RTN3: variants seen among roughly 807,000 people sequenced by gnomAD.
The protein encoded by RTN3 is reticulon-3.
In RTN3, 49 loss-of-function variants were observed where a neutral mutation model predicts 77.8. The observed-to-expected ratio is 0.63, with a 90% CI of 0.50 to 0.80. RTN3 has a LOEUF of 0.80. Among genes scored for constraint, RTN3 ranks in the 30% least tolerant of loss-of-function variants. RTN3 has a pLI of 0.00. For synonymous variants in RTN3, 464 were observed against 446.9 expected (o/e 1.04, Z -0.48); for missense variants, 1,236 against 1,211.9 (o/e 1.02, Z -0.29).
chr11:63,697,298 CT>C (rs929270731), intron 1 of RTN3, among the ~76,000 whole-genome samples: 1 of 150,046 alleles, frequency 6.7e-6, no homozygotes, highest in African/African-American at 2.4e-5. Context: ...TCCACTTATG[CT>C]TTTTTTTTAT....
At chr11:63,708,875 A>G (rs1590813358) in intron 2 of RTN3, among the ~76,000 whole-genome samples, 1 of 152,240 alleles carries the variant, frequency 6.6e-6, no homozygotes, top group Non-Finnish European at 1.5e-5. Context: ...CCTGTACTTC[A>G]TAAAACATAC....
In RTN3 at chr11:63,719,447, T is replaced by C. The variant is rs748112970; in HGVS notation, c.945T>C (p.Phe315=). ...YPMSALLSRQ[F]SHTNAALEEV... is the part of the protein sequence containing the mutation. The stretch of plus-strand genomic sequence containing the variant: ...TGTCTGCATTGCTCAGTAGGCAGTT[T>C]TCACACACAAATGCAGCACTGGAAG... The change falls in exon 3 of 9, where the codon TTT becomes TTC. Residue 315 remains phenylalanine, a synonymous_variant. Transcript: ENST00000377819. 5 of 1,613,978 alleles carry C rather than the reference T, an allele frequency of 3.1e-6. No homozygotes were observed. The South Asian group carries it at 5.5e-5, about 18-fold the overall frequency.
chr11:63,714,215 C>T (rs1167999566), intron 2 of RTN3: 1 of 353,954 alleles, frequency 2.8e-6, no homozygotes, highest in Non-Finnish European at 5.6e-6. Context: ...TGCTGAAATT[C>T]TAAACAAAAT....
At chr11:63,681,863 G>A (rs987775205) in intron 1 of RTN3, 85 bp downstream of exon 1, 55 of 1,369,942 alleles carry the variant, frequency 4.0e-5, no homozygotes, top group Middle Eastern at 5.0e-4. Flanking sequence ...GAGGCGGGAG[G>A]AGGACGAATT....
rs769474223 is a variant in RTN3 at position 63,719,337 on chromosome 11, A to G, written c.835A>G (p.Thr279Ala). The G allele has an allele frequency of 6.2e-7, 1 of 1,614,222 alleles. No homozygotes were observed. The highest frequency in any genetic ancestry group is 1.7e-5 in the Admixed American group (1 of 60,012). Reference protein sequence around the residue: ...TDDFGSWSVHTDKESSEDISE... With the variant: ...TDDFGSWSVHADKESSEDISE... ...TGATTTTGGTAGCTGGTCTGTGCACACTGATAAAGAATCATCCGAAGACAT... is the reference window on the plus strand; with the variant it reads ...TGATTTTGGTAGCTGGTCTGTGCACGCTGATAAAGAATCATCCGAAGACAT... The change falls in exon 3 of 9, where the codon ACT becomes GCT. Residue 279 changes from threonine (T) to alanine (A), a missense_variant. Thr to Ala is a moderately conservative substitution (Grantham distance 58). Transcript: ENST00000377819.
chr11:63,742,070 C>T (rs1200327480), intron 3 of RTN3, among the ~76,000 whole-genome samples: 1 of 150,732 alleles, frequency 6.6e-6, no homozygotes, highest in Admixed American at 6.6e-5. Flanking sequence ...AGCTCCACCT[C>T]CTGGGTTCAC....
Position 63,704,320 on chromosome 11 carries a change from A to G in RTN3, c.143-531A>G, listed in dbSNP as rs551430469. The stretch of plus-strand genomic sequence containing the variant: ...GCCCAGCCTAGAGGAGTATAATTTT[A>G]GAAGATAGATTTCTCATGTAGTCCT... On this transcript the variant is annotated intron_variant, in intron 1 of 8. Coordinates refer to ENST00000377819, the MANE Select transcript of RTN3 (RefSeq NM_001265589.2). Among the ~76,000 whole-genome samples, 9 of 152,266 alleles carry G rather than the reference A, an allele frequency of 5.9e-5. No individual in the cohort carries two copies. In the South Asian group the frequency reaches 1.9e-3, roughly 32 times the overall value.
At position 63,758,242 on chromosome 11, in the gene RTN3, T is replaced by C; in HGVS notation, c.*41T>C. ...AAATGCAACAGTTACTAAAACACCA[T>C]TTAATAGTTATAACGTCGTTACTTG... On this transcript the variant is annotated 3_prime_UTR_variant, in exon 9 of 9. Transcript: ENST00000377819. 6.2e-7 allele frequency: 1 copy of C among 1,613,722 alleles called. No individual in the cohort carries two copies. The highest frequency in any genetic ancestry group is 1.3e-5 in the African/African-American group (1 of 75,036).
At chr11:63,734,067 C>G (rs1241056123) in intron 3 of RTN3, among the ~76,000 whole-genome samples, 2 of 152,126 alleles carry the variant, frequency 1.3e-5, no homozygotes, top group South Asian at 2.1e-4. Flanking sequence ...GAAGGTAATT[C>G]CCTCAGTCTA....
At chr11:63,700,654 A>G (rs563167674) in intron 1 of RTN3, among the ~76,000 whole-genome samples, 1 of 150,368 alleles carries the variant, frequency 6.7e-6, no homozygotes, top group African/African-American at 2.4e-5. Flanking sequence ...CCCAGGCTGG[A>G]GTGCAGTGGC....
chr11:63,718,630 C>T (rs1453899822), intron 2 of RTN3, 72 bp from the exon 3 acceptor site: 2 of 1,095,982 alleles, frequency 1.8e-6, no homozygotes, highest in Non-Finnish European at 1.3e-6. Flanking sequence ...AAAAAGCATG[C>T]TGCTTGGCTT....
chr11:63,683,286 G>A (rs1941164765), intron 1 of RTN3, among the ~76,000 whole-genome samples: 1 of 152,190 alleles, frequency 6.6e-6, no homozygotes, highest in African/African-American at 2.4e-5. Flanking sequence ...CTGGGCTAAG[G>A]TCCAGATGAA....
At chr11:63,755,150 G>A (rs368098176) in intron 7 of RTN3, among the ~76,000 whole-genome samples, 2 of 151,876 alleles carry the variant, frequency 1.3e-5, no homozygotes, top group African/African-American at 4.8e-5. Flanking sequence ...TGTTACACAA[G>A]AGCCATAACA....
At chr11:63,728,662 G>A (rs1477075253) in intron 3 of RTN3, among the ~76,000 whole-genome samples, 1 of 152,144 alleles carries the variant, frequency 6.6e-6, no homozygotes, top group African/African-American at 2.4e-5. Context: ...GGCCGAGACA[G>A]GTGGGTCACA....
rs144009657 is a variant in RTN3 at position 63,750,121 on chromosome 11, C to G, written c.2661C>G (p.Leu887=). The change falls in exon 4 of 9, where the codon CTC becomes CTG. Residue 887 remains leucine, a synonymous_variant. Coordinates refer to ENST00000377819, the MANE Select transcript of RTN3 (RefSeq NM_001265589.2). Reference sequence around the variant, plus strand: ...TTTCTTACCTCATCCTGGCTCTTCTCTCTGTCACCATCAGCTTCAGGATCT... The same window carrying G: ...TTTCTTACCTCATCCTGGCTCTTCTGTCTGTCACCATCAGCTTCAGGATCT... ...SVVSYLILAL[L]SVTISFRIYK... is the part of the protein sequence containing the mutation. The G allele has an allele frequency of 9.9e-6, 16 of 1,612,798 alleles. No individual in the cohort carries two copies. Among genetic ancestry groups the G allele is most frequent in the Admixed American group, 5.0e-5 (3 of 59,882 alleles).
chr11:63,746,736 G>A (rs1412532757), intron 3 of RTN3, among the ~76,000 whole-genome samples: 1 of 151,940 alleles, frequency 6.6e-6, no homozygotes, highest in African/African-American at 2.4e-5. Flanking sequence ...GGATGGTCTC[G>A]GTCTCCTGAC....
At chr11:63,757,375 G>A (rs1403576736) in intron 8 of RTN3, among the ~76,000 whole-genome samples, 2 of 151,440 alleles carry the variant, frequency 1.3e-5, no homozygotes, top group Non-Finnish European at 2.9e-5. Flanking sequence ...TCTAGAGACA[G>A]GGTCTCACTC....
chr11:63,730,504 T>C (rs2134964389), intron 3 of RTN3, among the ~76,000 whole-genome samples: 1 of 152,366 alleles, frequency 6.6e-6, no homozygotes, highest in Middle Eastern at 3.4e-3. Flanking sequence ...TTGACAGAAT[T>C]GGCTGGGCAA....
intron 5 of RTN3, 72 bp downstream of exon 5, chr11:63,752,717 CAG>C: frequency 6.7e-7 from 1 of 1,494,246 alleles, no homozygotes; most frequent in Non-Finnish European, 9.3e-7. Context: ...GGAGGAAAAA[CAG>C]TACATAGGAT....
Sources: gnomAD v4.1 joint callset for allele counts (sites outside exome capture counted in the v4.1 genomes callset) on GRCh38, gnomAD v4.1.1 for gene constraint, MANE v1.5 for transcripts, NCBI Gene and HGNC (gene_info 2026-07-23, HGNC 2026-07-21) for gene names.